The following SGCZ variants were observed in gnomAD, a reference collection of about 807,000 sequenced individuals.
SGCZ encodes sarcoglycan zeta.
Under a neutral mutation model 41.3 loss-of-function variants are expected in SGCZ, and 40 were observed. The ratio of observed to expected loss-of-function variants is 0.97; its 90% confidence interval spans 0.75 to 1.26. The LOEUF is 1.26. Ranked by LOEUF, SGCZ falls within the 50% of genes most tolerant of loss-of-function variation. SGCZ has a pLI of 0.00. For missense variants in SGCZ, 552 were observed against 369.8 expected, an observed-to-expected ratio of 1.49 and a Z score of -4.04; for synonymous variants, 206 against 137.5, an observed-to-expected ratio of 1.50 and a Z score of -3.49.
intron 1 of SGCZ, among the ~76,000 whole-genome samples, chr8:15,018,646 G>A (rs558095364): frequency 2.6e-5 from 4 of 152,238 alleles, no homozygotes; most frequent in Non-Finnish European, 2.9e-5. Context: ...GAGGGGAGAA[G>A]GTAAGTGATG....
intron 5 of SGCZ, among the ~76,000 whole-genome samples, chr8:14,111,516 A>AACTT (rs2117011807): frequency 6.6e-6 from 1 of 152,326 alleles, no homozygotes; most frequent in Admixed American, 6.5e-5. Context: ...TGTATATGTA[A>AACTT]ACTTATTGAA....
chr8:15,138,502 C>T (rs1020935382), intron 1 of SGCZ, among the ~76,000 whole-genome samples: 14 of 152,068 alleles, frequency 9.2e-5, no homozygotes, highest in African/African-American at 2.7e-4. Context: ...ATAATCCCCA[C>T]GGGTCATGGG....
intron 1 of SGCZ, among the ~76,000 whole-genome samples, chr8:14,806,962 C>T (rs1801555154): frequency 1.3e-5 from 2 of 151,740 alleles, no homozygotes; most frequent in Non-Finnish European, 2.9e-5. Context: ...AGCATATAAA[C>T]AGAGCCAAAG....
Position 14,585,916 on chromosome 8 carries a change from C to T in SGCZ, c.40-30990G>A, listed in dbSNP as rs190682644. ...AGTGGTGAAGTTGGCCACACAGTTG[C>T]TTTTATTTCAATTTTTTAAGACAAA... On this transcript the variant is annotated intron_variant, in intron 1 of 7. Coordinates refer to ENST00000382080, the MANE Select transcript of SGCZ (RefSeq NM_139167.4). Among the ~76,000 whole-genome samples the T allele has an allele frequency of 9.9e-4, 151 of 152,182 alleles. 1 individual carries two copies. The Middle Eastern group carries it at 0.021, about 21-fold the overall frequency.
chr8:14,211,888 C>T (rs1174184799), intron 4 of SGCZ, among the ~76,000 whole-genome samples: 2 of 152,098 alleles, frequency 1.3e-5, no homozygotes, highest in African/African-American at 2.4e-5. Flanking sequence ...GAAAGTACCA[C>T]AGAAGTGGTA....
intron 1 of SGCZ, among the ~76,000 whole-genome samples, chr8:15,224,740 C>T (rs1195887373): frequency 6.6e-6 from 1 of 151,958 alleles, no homozygotes; most frequent in African/African-American, 2.4e-5. Context: ...GAAAAGAATA[C>T]TTATGAGAAA....
intron 1 of SGCZ, among the ~76,000 whole-genome samples, chr8:14,664,445 G>C (rs954295520): frequency 1.3e-5 from 2 of 152,106 alleles, no homozygotes; most frequent in Non-Finnish European, 2.9e-5. Context: ...TGTTTAATTC[G>C]ATTGCATGAA....
intron 1 of SGCZ, among the ~76,000 whole-genome samples, chr8:15,192,726 A>T (rs1056953280): frequency 6.6e-6 from 1 of 152,028 alleles, no homozygotes; most frequent in African/African-American, 2.4e-5. Flanking sequence ...TAAAATTACC[A>T]TTTCCACTGA....
At chr8:14,383,654 T>C (rs891762933) in intron 2 of SGCZ, among the ~76,000 whole-genome samples, 17 of 152,164 alleles carry the variant, frequency 1.1e-4, no homozygotes, top group African/African-American at 3.6e-4. Context: ...TTTTGAGAAG[T>C]GACAAAAAAA....
chr8:14,942,467 T>C (rs906097478), intron 1 of SGCZ, among the ~76,000 whole-genome samples: 1 of 152,094 alleles, frequency 6.6e-6, no homozygotes, highest in African/African-American at 2.4e-5. Context: ...AAGTTTCCTA[T>C]AGGATGATAT....
chr8:14,784,913 A>AAAAAAAAT lies in SGCZ; in HGVS notation c.40-229988_40-229987insATTTTTTT, dbSNP rs1408574493. ...GTGAAACTCTGCCTCAAAAAAAAAAAATATATATATATATATATATAAAAT... is the reference window on the plus strand; with the variant it reads ...GTGAAACTCTGCCTCAAAAAAAAAAAAAAAAAATATATATATATATATATATATAAAAT... On this transcript the variant is annotated intron_variant, in intron 1 of 7. Transcript: ENST00000382080. Among the ~76,000 whole-genome samples, 691 of 87,908 alleles carry AAAAAAAAT rather than the reference A, an allele frequency of 7.9e-3. 33 individuals carry two copies. The highest frequency in any genetic ancestry group is 0.031 in the African/African-American group (661 of 21,250). The allele number at this position is 87,908 out of a possible 152,430, so 57.7% of individuals were successfully genotyped here.
At chr8:15,184,162 C>A (rs1800262497) in intron 1 of SGCZ, among the ~76,000 whole-genome samples, 1 of 152,164 alleles carries the variant, frequency 6.6e-6, no homozygotes. Flanking sequence ...AATATGCTTG[C>A]TCATAAAAAT....
intron 1 of SGCZ, among the ~76,000 whole-genome samples, chr8:15,139,827 T>C (rs138085609): frequency 9.2e-5 from 14 of 152,250 alleles, no homozygotes; most frequent in African/African-American, 3.4e-4. Context: ...TAATTATTAG[T>C]GATAGTCTAG....
At chr8:14,532,486 A>G (rs1194022265) in intron 2 of SGCZ, among the ~76,000 whole-genome samples, 2 of 152,024 alleles carry the variant, frequency 1.3e-5, no homozygotes, top group African/African-American at 4.8e-5. Flanking sequence ...GGAATTTTAA[A>G]ACTGGTGTTT....
chr8:14,269,470 A>G (rs1342490487), intron 3 of SGCZ, among the ~76,000 whole-genome samples: 1 of 152,100 alleles, frequency 6.6e-6, no homozygotes, highest in East Asian at 1.9e-4. Flanking sequence ...GCACTGCATC[A>G]GAAATATATG....
intron 2 of SGCZ, among the ~76,000 whole-genome samples, chr8:14,544,585 C>T (rs1022618438): frequency 1.3e-5 from 2 of 152,024 alleles, no homozygotes; most frequent in South Asian, 2.1e-4. Flanking sequence ...TATAAATGGT[C>T]GCTATGGGAA....
At chr8:14,451,808 A>G (rs1800601937) in intron 2 of SGCZ, among the ~76,000 whole-genome samples, 2 of 152,236 alleles carry the variant, frequency 1.3e-5, no homozygotes, top group African/African-American at 2.4e-5. Context: ...TAGAATGGCC[A>G]AAGTCCAGAA....
chr8:14,642,366 G>C (rs1416196266), intron 1 of SGCZ, among the ~76,000 whole-genome samples: 2 of 151,558 alleles, frequency 1.3e-5, no homozygotes, highest in Admixed American at 6.6e-5. Context: ...AAGTCTAAGA[G>C]ATGGTCACAC....
chr8:14,562,656 A>C (rs551860126), intron 1 of SGCZ, among the ~76,000 whole-genome samples: 2 of 152,252 alleles, frequency 1.3e-5, no homozygotes, highest in African/African-American at 4.8e-5. Flanking sequence ...ATAAACAGAA[A>C]ATTTTAAAAA....
Sources: gnomAD v4.1 joint callset for allele counts (sites outside exome capture counted in the v4.1 genomes callset) on GRCh38, gnomAD v4.1.1 for gene constraint, MANE v1.5 for transcripts, NCBI Gene and HGNC (gene_info 2026-07-23, HGNC 2026-07-21) for gene names.